The following SEM1 variants were observed in gnomAD, a reference collection of about 807,000 sequenced individuals.
The protein encoded by SEM1 is 26S proteasome complex subunit SEM1.
Under a neutral mutation model 12.7 loss-of-function variants are expected in SEM1, and 3 were observed. The observed-to-expected ratio is 0.24, with a 90% CI of 0.11 to 0.61. The LOEUF (loss-of-function observed/expected upper bound fraction) is 0.61, where lower values mean the gene tolerates loss of function less well. SEM1 is among the 20% of genes least tolerant of loss of function. The probability of loss-of-function intolerance (pLI) is 0.88; values close to 1 mark genes in which losing one functional copy is unlikely to be tolerated. For missense variants in SEM1, 59 were observed against 81.3 expected, an observed-to-expected ratio of 0.73 and a Z score of 1.06; for synonymous variants, 30 against 27.8, an observed-to-expected ratio of 1.08 and a Z score of -0.25.
intron 2 of SEM1, among the ~76,000 whole-genome samples, chr7:96,663,769 G>T (rs1789081817): frequency 1.3e-5 from 2 of 151,876 alleles, no homozygotes; most frequent in Non-Finnish European, 2.9e-5. Context: ...CAGAAGACTG[G>T]AACACTATAA....
intron 2 of SEM1, among the ~76,000 whole-genome samples, chr7:96,628,332 T>A (rs1808138663): frequency 6.6e-6 from 1 of 152,118 alleles, no homozygotes; most frequent in Admixed American, 6.5e-5. Flanking sequence ...ATTTTCCTCC[T>A]GTCTTTCTTT....
chr7:96,699,245 T>TG (rs1433908253), intron 1 of SEM1, among the ~76,000 whole-genome samples: 2 of 152,180 alleles, frequency 1.3e-5, no homozygotes, highest in Non-Finnish European at 2.9e-5. Flanking sequence ...CCCTTACTGT[T>TG]GTGGCATCAT....
In SEM1 at chr7:96,691,486, G is replaced by A. The variant is rs887510596; in HGVS notation, c.171-2520C>T. Reference sequence around the variant, plus strand: ...ATATGGCTAAATAGGAGGCAGATCTGGGGTTGGAACCCCAGCAATCTGATT... The same window carrying A: ...ATATGGCTAAATAGGAGGCAGATCTAGGGTTGGAACCCCAGCAATCTGATT... On this transcript the variant is annotated intron_variant, in intron 2 of 2. Transcript: ENST00000248566. 2.1e-4 allele frequency among the ~76,000 whole-genome samples: 32 copies of A among 152,208 alleles called. 1 individual carries two copies. Among genetic ancestry groups the A allele is most frequent in the Non-Finnish European group, 2.9e-5 (2 of 68,036 alleles).
chr7:96,571,661 A>C (rs1321265415), intron 2 of SEM1, among the ~76,000 whole-genome samples: 1 of 151,884 alleles, frequency 6.6e-6, no homozygotes, highest in African/African-American at 2.4e-5. Flanking sequence ...ATCATGCTGG[A>C]TAAGCTTTTT....
chr7:96,564,563 G>C (rs4360228), intron 2 of SEM1, among the ~76,000 whole-genome samples: 127,375 of 151,976 alleles, frequency 0.84, 53,609 homozygotes, highest in African/African-American at 0.9. Context: ...TTCCTTGACC[G>C]TGCCGGCTAG....
chr7:96,556,329 C>T (rs576878700), intron 2 of SEM1, among the ~76,000 whole-genome samples: 8 of 151,864 alleles, frequency 5.3e-5, no homozygotes, highest in South Asian at 2.1e-4. Flanking sequence ...CGGCTGGTAC[C>T]GGTTGTTCCT....
At chr7:96,625,775 C>T (rs946289578) in intron 2 of SEM1, among the ~76,000 whole-genome samples, 4 of 152,162 alleles carry the variant, frequency 2.6e-5, no homozygotes, top group Non-Finnish European at 5.9e-5. Flanking sequence ...TTTGGCTACA[C>T]TTTGGGTTTA....
intron 2 of SEM1, among the ~76,000 whole-genome samples, chr7:96,522,732 C>CG (rs566118443): frequency 3.9e-5 from 5 of 129,578 alleles, no homozygotes; most frequent in Non-Finnish European, 8.3e-5. Flanking sequence ...ACCCCCCCCC[C>CG]AAAAAAAAAT....
At chr7:96,625,680 T>C (rs2116308197) in intron 2 of SEM1, among the ~76,000 whole-genome samples, 1 of 152,312 alleles carries the variant, frequency 6.6e-6, no homozygotes. Context: ...GATCAGTTGT[T>C]CTAACAAGCT....
intron 3 of SEM1, among the ~76,000 whole-genome samples, chr7:96,505,184 C>T (rs1228781581): frequency 6.6e-6 from 1 of 152,018 alleles, no homozygotes; most frequent in Admixed American, 6.6e-5. Context: ...CTCACTGCAA[C>T]CTCGCCTCCC....
At chr7:96,673,767 C>T (rs1283252907) in exon 3 of SEM1, 1 of 765,282 alleles carries the variant, frequency 1.3e-6, no homozygotes, top group Non-Finnish European at 2.4e-6. Flanking sequence ...CTGTTAACAG[C>T]AGAGGAAAGC....
downstream of SEM1, among the ~76,000 whole-genome samples, chr7:96,619,794 T>C (rs1807831867): frequency 1.3e-5 from 2 of 152,038 alleles, no homozygotes; most frequent in African/African-American, 2.4e-5. Context: ...GTGGGTATTG[T>C]CCTAAGTGTG....
chr7:96,576,111 C>T (rs529972618), intron 2 of SEM1, among the ~76,000 whole-genome samples: 22 of 152,114 alleles, frequency 1.4e-4, no homozygotes, highest in Non-Finnish European at 2.6e-4. Flanking sequence ...TATTTCTTTG[C>T]TGTGAATTCA....
chr7:96,531,596 ACT>A (rs1431817720), intron 2 of SEM1, among the ~76,000 whole-genome samples: 1 of 113,232 alleles, frequency 8.8e-6, no homozygotes, highest in Non-Finnish European at 1.9e-5. Flanking sequence ...CGACAGTGAG[ACT>A]CTGTGTGGAA....
chr7:96,704,099 T>C (rs1352314144), intron 1 of SEM1, among the ~76,000 whole-genome samples: 2 of 151,660 alleles, frequency 1.3e-5, no homozygotes, highest in Non-Finnish European at 2.9e-5. Flanking sequence ...AATGAGGGCA[T>C]GAGGTAGATT....
At chr7:96,571,882 T>C (rs191539939) in intron 2 of SEM1, among the ~76,000 whole-genome samples, 34 of 151,830 alleles carry the variant, frequency 2.2e-4, no homozygotes, top group South Asian at 1.0e-3. Flanking sequence ...CCAGCTTCTC[T>C]TTTAGAACTG....
At chr7:96,581,325 T>C (rs997779584) in intron 2 of SEM1, among the ~76,000 whole-genome samples, 32 of 152,164 alleles carry the variant, frequency 2.1e-4, no homozygotes, top group Admixed American at 1.8e-3. Flanking sequence ...GTTCCATTGA[T>C]CTTTATCTCT....
At chr7:96,694,038 G>T (rs1048077865) in intron 2 of SEM1, among the ~76,000 whole-genome samples, 4 of 151,812 alleles carry the variant, frequency 2.6e-5, no homozygotes, top group Non-Finnish European at 4.4e-5. Flanking sequence ...CTGATGCATG[G>T]TACAACATGA....
chr7:96,589,060 CTGA>C (rs562908719), intron 2 of SEM1, among the ~76,000 whole-genome samples: 2 of 152,226 alleles, frequency 1.3e-5, no homozygotes, highest in Non-Finnish European at 2.9e-5. Context: ...GCTGTTGCCT[CTGA>C]TGATGGCTAT....
Sources: gnomAD v4.1 joint callset for allele counts (sites outside exome capture counted in the v4.1 genomes callset) on GRCh38, gnomAD v4.1.1 for gene constraint, MANE v1.5 for transcripts, NCBI Gene and HGNC (gene_info 2026-07-23, HGNC 2026-07-21) for gene names.